The following SPATA17 variants were observed in gnomAD, a reference collection of about 807,000 sequenced individuals.
SPATA17 encodes the protein spermatogenesis associated 17, also known as spermatogenesis-associated protein 17.
In SPATA17, 53 loss-of-function variants were observed where a neutral mutation model predicts 62.2. The ratio of observed to expected loss-of-function variants is 0.85; its 90% CI spans 0.68 to 1.07. The LOEUF (loss-of-function observed/expected upper bound fraction) is 1.07, where lower values mean the gene tolerates loss of function less well. Ranked by LOEUF, SPATA17 falls within the 50% of genes least tolerant of loss-of-function variation. The pLI is 0.00. For synonymous variants in SPATA17, 146 were observed against 146.8 expected, an observed-to-expected ratio of 0.99 and a Z score of 0.04; for missense variants, 466 against 425.5, an observed-to-expected ratio of 1.10 and a Z score of -0.84.
intron 5 of SPATA17, among the ~76,000 whole-genome samples, chr1:217,694,129 G>A (rs1364986362): frequency 5.6e-5 from 1 of 17,734 alleles, no homozygotes; most frequent in African/African-American, 2.9e-4. Context: ...GGGAGTCTAA[G>A]TCTCTTTGTA....
At chr1:217,697,731 G>A (rs540813871) in intron 5 of SPATA17, among the ~76,000 whole-genome samples, 6 of 151,946 alleles carry the variant, frequency 3.9e-5, no homozygotes, top group African/African-American at 1.2e-4. Context: ...AGGTAAATTT[G>A]AACAACAAAA....
intron 5 of SPATA17, among the ~76,000 whole-genome samples, chr1:217,713,733 T>C (rs1286521193): frequency 6.6e-6 from 1 of 152,174 alleles, no homozygotes; most frequent in South Asian, 2.1e-4. Flanking sequence ...CAAACGAAAG[T>C]GTGTAGTCAT....
At position 217,695,998 on chromosome 1, in the gene SPATA17, C is replaced by T. The variant is rs1218801606; in HGVS notation, c.395+12637C>T. 4.0e-3 allele frequency among the ~76,000 whole-genome samples: 606 copies of T among 151,262 alleles called. 16 individuals carry two copies. Among genetic ancestry groups the T allele is most frequent in the Admixed American group, 0.037 (561 of 15,186 alleles). On this transcript the variant is annotated intron_variant, in intron 5 of 10. Coordinates refer to ENST00000366933, the MANE Select transcript of SPATA17 (RefSeq NM_138796.4). ...GGAGCCTACAGAGGCAGGCAGGCCT[C>T]CTTGAGCTGTGGTGGGCTCCACCCA...
chr1:217,772,725 C>T (rs1217507099), intron 6 of SPATA17, among the ~76,000 whole-genome samples: 1 of 152,112 alleles, frequency 6.6e-6, no homozygotes, highest in East Asian at 1.9e-4. Context: ...TTATTGAGTG[C>T]CTACTAAGTG....
chr1:217,740,637 G>T (rs982043327), intron 5 of SPATA17, among the ~76,000 whole-genome samples: 1 of 152,094 alleles, frequency 6.6e-6, no homozygotes, highest in Non-Finnish European at 1.5e-5. Flanking sequence ...GTTACTTAGC[G>T]ATTAATAATA....
At chr1:217,800,348 A>G (rs1674277890) in intron 8 of SPATA17, among the ~76,000 whole-genome samples, 1 of 151,486 alleles carries the variant, frequency 6.6e-6, no homozygotes, top group Non-Finnish European at 1.5e-5. Flanking sequence ...CAGTCTTCTG[A>G]AGGATATAAG....
intron 1 of SPATA17, among the ~76,000 whole-genome samples, chr1:217,635,979 A>AAAATAC (rs1219304731): frequency 6.6e-6 from 1 of 151,638 alleles, no homozygotes; most frequent in African/African-American, 2.4e-5. Flanking sequence ...CTAAAAATAC[A>AAAATAC]AAAATTAGCT....
chr1:217,838,222 G>A (rs1321403806), intron 9 of SPATA17, among the ~76,000 whole-genome samples: 1 of 152,010 alleles, frequency 6.6e-6, no homozygotes, highest in East Asian at 1.9e-4. Flanking sequence ...CACTGCTCTA[G>A]ATGATATATT....
chr1:217,759,940 C>A (rs1222881872), intron 6 of SPATA17, among the ~76,000 whole-genome samples: 1 of 152,030 alleles, frequency 6.6e-6, no homozygotes, highest in Non-Finnish European at 1.5e-5. Flanking sequence ...TTAAATACTA[C>A]AGTAATGATA....
intron 5 of SPATA17, among the ~76,000 whole-genome samples, chr1:217,703,323 C>A (rs2102921061): frequency 6.6e-6 from 1 of 152,138 alleles, no homozygotes; most frequent in Non-Finnish European, 1.5e-5. Flanking sequence ...AGGCACCCAC[C>A]ACCATGCCCG....
In SPATA17 at chr1:217,742,081, CT is replaced by C; in HGVS notation, c.503del (p.Leu168ProfsTer32). ...RDYQARKMHY[L>X]LSTKQIPGIY... ...TTACCAAGCCCGAAAGATGCATTACCTCCTCAGCACAAAGCAGGTTGGTTTA... is the reference window on the plus strand; with the variant it reads ...TTACCAAGCCCGAAAGATGCATTACCCCTCAGCACAAAGCAGGTTGGTTTA... On this transcript the variant is annotated frameshift_variant, in exon 6 of 11. Transcript: ENST00000366933. LOFTEE classifies it high-confidence loss of function. The C allele has an allele frequency of 6.2e-7, 1 of 1,614,090 alleles. No individual in the cohort carries two copies. Among genetic ancestry groups the C allele is most frequent in the Non-Finnish European group, 8.5e-7 (1 of 1,179,986 alleles).
At chr1:217,648,266 G>A (rs866906398) in intron 1 of SPATA17, among the ~76,000 whole-genome samples, 1 of 152,232 alleles carries the variant, frequency 6.6e-6, no homozygotes, top group South Asian at 2.1e-4. Context: ...TACACTTTAT[G>A]TAGTCTTACT....
intron 2 of SPATA17, among the ~76,000 whole-genome samples, chr1:217,649,480 A>G (rs533706358): frequency 1.1e-3 from 160 of 152,304 alleles, no homozygotes; most frequent in African/African-American, 3.6e-3. Flanking sequence ...CTCTGCCTCA[A>G]AAAAATAAAA....
At chr1:217,799,145 A>G (rs1225750080) in intron 8 of SPATA17, among the ~76,000 whole-genome samples, 1 of 152,176 alleles carries the variant, frequency 6.6e-6, no homozygotes, top group African/African-American at 2.4e-5. Context: ...TAAAGATTAT[A>G]AAATATCTAA....
At chr1:217,783,995 T>G (rs891966138) in intron 8 of SPATA17, among the ~76,000 whole-genome samples, 13 of 152,160 alleles carry the variant, frequency 8.5e-5, no homozygotes, top group African/African-American at 3.1e-4. Context: ...AAAAAATTTC[T>G]TATAGATTCA....
At chr1:217,663,248 C>A (rs1159667036) in intron 3 of SPATA17, among the ~76,000 whole-genome samples, 1 of 152,054 alleles carries the variant, frequency 6.6e-6, no homozygotes, top group African/African-American at 2.4e-5. Context: ...AGTTCGAGAC[C>A]AACCTGGCCA....
In SPATA17 at chr1:217,794,128, AAAAG is replaced by A. The variant is rs1273571692; in HGVS notation, c.873-7578_873-7575del. On this transcript the variant is annotated intron_variant, in intron 8 of 10. Transcript: ENST00000366933. ...GAGACTCCGTCACAAAAAAAAAAAA[AAAAG>A]AAAGAAAGAAAAAGAAAGAAAACTA... Among the ~76,000 whole-genome samples the A allele has an allele frequency of 2.0e-4, 31 of 151,804 alleles. 1 individual carries two copies. Among genetic ancestry groups the A allele is most frequent in the South Asian group, 1.9e-3 (9 of 4,818 alleles).
At chr1:217,828,610 A>G (rs1675058129) in intron 9 of SPATA17, among the ~76,000 whole-genome samples, 1 of 151,644 alleles carries the variant, frequency 6.6e-6, no homozygotes, top group Admixed American at 6.6e-5. Flanking sequence ...ACTAAATCTA[A>G]ACTAAAAAGC....
At chr1:217,741,668 A>T (rs899671299) in intron 5 of SPATA17, among the ~76,000 whole-genome samples, 6 of 152,190 alleles carry the variant, frequency 3.9e-5, no homozygotes, top group African/African-American at 1.4e-4. Context: ...AAAAAAGTTA[A>T]TCTTAAAGCA....
Sources: allele counts gnomAD v4.1 joint callset (sites outside exome capture counted in the v4.1 genomes callset), GRCh38; gene constraint gnomAD v4.1.1; transcripts MANE v1.5; gene names NCBI Gene and HGNC (gene_info 2026-07-23, HGNC 2026-07-21).